Variants in TCF4 observed in about 807,000 individuals in gnomAD.
TCF4 encodes the protein SL3-3 enhancer factor 2.
In TCF4, 3 loss-of-function variants were observed where a neutral mutation model predicts 82.1. The ratio of observed to expected loss-of-function variants is 0.04; its 90% CI spans 0.02 to 0.09. The LOEUF (loss-of-function observed/expected upper bound fraction) is 0.09, where lower values mean the gene tolerates loss of function less well. TCF4 is among the 10% of genes least tolerant of loss of function. The pLI, the probability that TCF4 is intolerant of heterozygous loss-of-function variation, is 1.00. For missense variants in TCF4, 518 were observed against 852.7 expected, an observed-to-expected ratio of 0.61 and a Z score of 4.89; for synonymous variants, 276 against 309.6, an observed-to-expected ratio of 0.89 and a Z score of 1.14.
chr18:55,241,711 C>T (rs1468654025), intron 15 of TCF4, among the ~76,000 whole-genome samples: 1 of 152,190 alleles, frequency 6.6e-6, no homozygotes, highest in East Asian at 1.9e-4. Flanking sequence ...ATTCAAGTAA[C>T]ACATGCTTAC....
chr18:55,296,735 A>G (rs1264460069), intron 8 of TCF4, among the ~76,000 whole-genome samples: 1 of 152,226 alleles, frequency 6.6e-6, no homozygotes, highest in Non-Finnish European at 1.5e-5. Flanking sequence ...TGAACAAACC[A>G]GGTAAGAAAA....
Position 55,557,240 on chromosome 18 carries a change from A to AACACACAGACACACAG in TCF4, c.145+28024_145+28039dup, listed in dbSNP as rs112004788. Among the ~76,000 whole-genome samples the AACACACAGACACACAG allele has an allele frequency of 1.1e-4, 17 of 151,994 alleles. No homozygotes were observed. The South Asian group carries it at 2.5e-3, about 22-fold the overall frequency. ...TTCTAGTTGCCCATAAACTAATGCA[A>AACACACAGACACACAG]ACACACAGACACACAGACACACAGA... On this transcript the variant is annotated intron_variant, in intron 3 of 19. Transcript: ENST00000354452.
chr18:55,616,991 A>G (rs950934338), intron 2 of TCF4, among the ~76,000 whole-genome samples: 11 of 152,066 alleles, frequency 7.2e-5, no homozygotes, highest in Non-Finnish European at 1.5e-4. Flanking sequence ...TTGCTGTCAT[A>G]TCTAATAAAT....
intron 6 of TCF4, among the ~76,000 whole-genome samples, chr18:55,365,117 C>A (rs762810168): frequency 1.4e-5 from 2 of 143,756 alleles, no homozygotes; most frequent in African/African-American, 2.6e-5. Context: ...CATGCCACTG[C>A]ACTTCAGCCT....
chr18:55,394,763 C>T lies in TCF4; in HGVS notation c.369+8691G>A, dbSNP rs540355636. ...ACTTCTATGAGATTAGAAAACAACACGCTGAACATGAAAGGTCCATGCTTT... is the reference window on the plus strand; with the variant it reads ...ACTTCTATGAGATTAGAAAACAACATGCTGAACATGAAAGGTCCATGCTTT... On this transcript the variant is annotated intron_variant, in intron 6 of 19. Coordinates refer to ENST00000354452, the MANE Select transcript of TCF4 (RefSeq NM_001083962.2). 4.6e-5 allele frequency among the ~76,000 whole-genome samples: 7 copies of T among 152,290 alleles called. No individual in the cohort carries two copies. The South Asian group carries it at 6.2e-4, about 14-fold the overall frequency.
chr18:55,605,857 AAT>A (rs1210468584), intron 2 of TCF4, among the ~76,000 whole-genome samples: 12 of 152,182 alleles, frequency 7.9e-5, no homozygotes, highest in Admixed American at 7.9e-4. Context: ...TGCATTCCAA[AAT>A]ATGTTTCACT....
intron 5 of TCF4, among the ~76,000 whole-genome samples, chr18:55,410,500 A>G (rs2094300120): frequency 6.6e-6 from 1 of 152,076 alleles, no homozygotes; most frequent in South Asian, 2.1e-4. Flanking sequence ...TTTAACTTAC[A>G]TTATTTAAGG....
At chr18:55,594,127 C>T (rs2147931489) in intron 2 of TCF4, among the ~76,000 whole-genome samples, 1 of 152,290 alleles carries the variant, frequency 6.6e-6, no homozygotes, top group East Asian at 1.9e-4. Context: ...CTCTACACAC[C>T]CCAGGGCCTT....
chr18:55,431,483 T>A (rs183968329), intron 5 of TCF4, among the ~76,000 whole-genome samples: 1 of 152,168 alleles, frequency 6.6e-6, no homozygotes, highest in Non-Finnish European at 1.5e-5. Context: ...TTTCACCACG[T>A]TGGCCAAGCT....
chr18:55,578,045 T>C (rs754037892), intron 3 of TCF4, among the ~76,000 whole-genome samples: 2 of 152,144 alleles, frequency 1.3e-5, no homozygotes, highest in Non-Finnish European at 2.9e-5. Flanking sequence ...AAATGGTTTA[T>C]GAACAGCACC....
intron 8 of TCF4, among the ~76,000 whole-genome samples, chr18:55,320,139 A>T (rs2075131918): frequency 6.6e-6 from 1 of 152,146 alleles, no homozygotes; most frequent in Non-Finnish European, 1.5e-5. Flanking sequence ...GATAATAGGC[A>T]AAAGTCTTAT....
intron 16 of TCF4, chr18:55,234,285 T>C: frequency 1.7e-6 from 1 of 576,612 alleles, no homozygotes; most frequent in Non-Finnish European, 3.1e-6. Flanking sequence ...TAAAATAAAA[T>C]TTCCTCTCAT....
intron 5 of TCF4, chr18:55,404,135 T>C (rs1338686525): frequency 1.4e-5 from 9 of 663,766 alleles, no homozygotes; most frequent in African/African-American, 1.9e-5. Context: ...ATTCCACCAA[T>C]AGACCCAGCA....
At chr18:55,527,128 T>C (rs535448981) in intron 3 of TCF4, among the ~76,000 whole-genome samples, 14 of 152,328 alleles carry the variant, frequency 9.2e-5, no homozygotes, top group African/African-American at 2.6e-4. Flanking sequence ...GCATCTGTGC[T>C]TCCCTCTGCC....
chr18:55,490,351 T>C, intron 3 of TCF4, among the ~76,000 whole-genome samples: 1 of 152,186 alleles, frequency 6.6e-6, no homozygotes, highest in Non-Finnish European at 1.5e-5. Flanking sequence ...GAGAGGCACA[T>C]ATTTCTGAAC....
intron 8 of TCF4, among the ~76,000 whole-genome samples, chr18:55,319,869 C>T (rs1054733936): frequency 6.6e-6 from 1 of 152,050 alleles, no homozygotes; most frequent in Non-Finnish European, 1.5e-5. Flanking sequence ...AAAATTTTGT[C>T]AGTTCAGATA....
At chr18:55,566,120 G>A (rs997918158) in intron 3 of TCF4, among the ~76,000 whole-genome samples, 2 of 152,138 alleles carry the variant, frequency 1.3e-5, no homozygotes, top group Admixed American at 6.5e-5. Context: ...GGCTGAGGCA[G>A]GAGAATGGTG....
intron 5 of TCF4, among the ~76,000 whole-genome samples, chr18:55,449,154 T>C (rs1217519858): frequency 6.6e-6 from 1 of 152,156 alleles, no homozygotes; most frequent in East Asian, 1.9e-4. Context: ...GAAAAACAGC[T>C]TGTTCAAAAT....
intron 12 of TCF4, 85 bp downstream of exon 12, chr18:55,261,381 T>C: frequency 6.6e-7 from 1 of 1,518,202 alleles, no homozygotes; most frequent in Non-Finnish European, 9.1e-7. Context: ...TGCCATTCAT[T>C]TTCTAAAATT....
Sources: allele counts gnomAD v4.1 joint callset (sites outside exome capture counted in the v4.1 genomes callset), GRCh38; gene constraint gnomAD v4.1.1; transcripts MANE v1.5; gene names NCBI Gene and HGNC (gene_info 2026-07-23, HGNC 2026-07-21).